TTC28: variants seen among roughly 807,000 people sequenced by gnomAD.
TTC28 encodes tetratricopeptide repeat protein 28.
Under a neutral mutation model 198.0 loss-of-function variants are expected in TTC28, and 61 were observed. The observed-to-expected ratio is 0.31, with a 90% confidence interval of 0.25 to 0.38. The LOEUF (loss-of-function observed/expected upper bound fraction) is 0.38. Ranked by LOEUF, TTC28 falls within the 10% of genes least tolerant of loss-of-function variation. The pLI is 1.00. For missense variants in TTC28, 2,678 were observed against 3,164.0 expected, an observed-to-expected ratio of 0.85 and a Z score of 3.69; for synonymous variants, 1,171 against 1,297.8, an observed-to-expected ratio of 0.90 and a Z score of 2.10.
chr22:28,536,058 C>T (rs939383007), intron 2 of TTC28, among the ~76,000 whole-genome samples: 7 of 151,000 alleles, frequency 4.6e-5, no homozygotes. Context: ...ATTAGCTTGG[C>T]TTGGTGGCGG....
At chr22:28,288,892 G>C (rs2044737352) in intron 5 of TTC28, among the ~76,000 whole-genome samples, 2 of 151,330 alleles carry the variant, frequency 1.3e-5, no homozygotes, top group Admixed American at 1.3e-4. Context: ...CAAGCTTGTT[G>C]ACTATCTAAT....
At chr22:28,342,567 T>C (rs980553076) in intron 2 of TTC28, among the ~76,000 whole-genome samples, 2 of 146,674 alleles carry the variant, frequency 1.4e-5, no homozygotes, top group Admixed American at 1.4e-4. Flanking sequence ...TTTTGTTACA[T>C]AATTCTCATA....
chr22:28,240,755 C>CTTATTT (rs1929603146), intron 5 of TTC28, among the ~76,000 whole-genome samples: 2 of 152,082 alleles, frequency 1.3e-5, no homozygotes, highest in African/African-American at 4.8e-5. Context: ...CATCTTGCTG[C>CTTATTT]ACCAGAAAGT....
chr22:28,107,303 T>C lies in TTC28; in HGVS notation c.2542A>G (p.Asn848Asp). ...TAGCCAATGGCTTCTTCCATCACAT[T>C]CATGTTCATCTTTGTGATGCCCATG... ...GNMGITKMNM[N>D]VMEEAIGYFE... is the part of the protein sequence containing the mutation. The change falls in exon 7 of 23, where the codon AAT becomes GAT. Residue 848 changes from asparagine to aspartate, a missense_variant. Physicochemically the swap from Asn to Asp is conservative, Grantham distance 23. This residue lies in a region of TTC28 where 775 missense variants were observed against 845.9 expected (regional missense o/e 0.92). Transcript: ENST00000397906. The C allele has an allele frequency of 6.4e-7, 1 of 1,551,860 alleles. No homozygotes were observed. The highest frequency in any genetic ancestry group is 8.7e-7 in the Non-Finnish European group (1 of 1,147,014).
intron 6 of TTC28, among the ~76,000 whole-genome samples, chr22:28,131,046 A>G (rs951115792): frequency 3.3e-5 from 5 of 152,240 alleles, no homozygotes; most frequent in African/African-American, 1.2e-4. Context: ...GGCAATAGCC[A>G]GGGTAGCCAG....
intron 5 of TTC28, among the ~76,000 whole-genome samples, chr22:28,224,268 C>A (rs961927873): frequency 6.6e-5 from 10 of 152,134 alleles, no homozygotes; most frequent in Non-Finnish European, 1.3e-4. Flanking sequence ...AGGTCTGGGG[C>A]AGGATCTGAG....
intron 1 of TTC28, among the ~76,000 whole-genome samples, chr22:28,637,005 T>G (rs1372123886): frequency 9.7e-5 from 3 of 30,956 alleles, no homozygotes; most frequent in East Asian, 2.6e-3. Flanking sequence ...AGGTCTTCAG[T>G]TTTTTTTTTT....
At chr22:28,638,928 A>G (rs1300328843) in intron 1 of TTC28, among the ~76,000 whole-genome samples, 1 of 152,200 alleles carries the variant, frequency 6.6e-6, no homozygotes, top group Non-Finnish European at 1.5e-5. Flanking sequence ...TCACTACCTA[A>G]GAGTTGGGAT....
At chr22:28,150,371 C>T (rs562065812) in intron 6 of TTC28, among the ~76,000 whole-genome samples, 4 of 152,300 alleles carry the variant, frequency 2.6e-5, no homozygotes, top group South Asian at 2.1e-4. Flanking sequence ...AGGAGAACAA[C>T]GGAGGTGATC....
Position 27,985,370 on chromosome 22 carries a change from G to C in TTC28, c.5708-14C>G. On this transcript the variant is annotated splice_polypyrimidine_tract_variant and intron_variant, in intron 21 of 22. Transcript: ENST00000397906. ...AGAGATCAAAACCTAGAGGAACAAAGAATATAAGCATCTGCTTCCTTCGGG... is the reference window on the plus strand; with the variant it reads ...AGAGATCAAAACCTAGAGGAACAAACAATATAAGCATCTGCTTCCTTCGGG... 1 of 1,540,464 alleles carries C rather than the reference G, an allele frequency of 6.5e-7. No homozygotes were observed. Among genetic ancestry groups the C allele is most frequent in the Non-Finnish European group, 8.8e-7 (1 of 1,137,194 alleles).
At chr22:28,130,725 G>A (rs758770307) in intron 6 of TTC28, among the ~76,000 whole-genome samples, 5 of 152,150 alleles carry the variant, frequency 3.3e-5, no homozygotes, top group Non-Finnish European at 5.9e-5. Context: ...CTGCATGAGT[G>A]GACTGGATCA....
At chr22:27,988,281 CTTTTTTTTTTTT>C (rs138641) in intron 21 of TTC28, among the ~76,000 whole-genome samples, 1 of 99,472 alleles carries the variant, frequency 1.0e-5, no homozygotes, top group Non-Finnish European at 2.0e-5. Context: ...AAGAAGCTTG[CTTTTTTTTTTTT>C]TTTTTTTTTG....
intron 2 of TTC28, among the ~76,000 whole-genome samples, chr22:28,586,080 A>G (rs982426591): frequency 2.6e-5 from 4 of 151,978 alleles, no homozygotes; most frequent in South Asian, 2.1e-4. Flanking sequence ...GGAGATTGAG[A>G]CCATCCTGGC....
At chr22:28,087,464 C>T (rs558476909) in intron 12 of TTC28, among the ~76,000 whole-genome samples, 1 of 152,124 alleles carries the variant, frequency 6.6e-6, no homozygotes, top group African/African-American at 2.4e-5. Flanking sequence ...TTCAACAACC[C>T]TTCATGCTAA....
In TTC28 at chr22:28,474,504, G is replaced by A. The variant is rs140571547; in HGVS notation, c.381+155048C>T. On this transcript the variant is annotated intron_variant, in intron 2 of 22. Coordinates refer to ENST00000397906, the MANE Select transcript of TTC28 (RefSeq NM_001145418.2). ...AGGAAAACAAAGTTCTCTGGGCTGGGAGATACCAGGTGTGGTTAGAGGGTT... is the reference window on the plus strand; with the variant it reads ...AGGAAAACAAAGTTCTCTGGGCTGGAAGATACCAGGTGTGGTTAGAGGGTT... 3.2e-4 allele frequency among the ~76,000 whole-genome samples: 49 copies of A among 152,292 alleles called. 1 individual carries two copies. The East Asian group carries it at 7.9e-3, about 25-fold the overall frequency.
chr22:28,538,507 G>A (rs192251060), intron 2 of TTC28, among the ~76,000 whole-genome samples: 2 of 151,704 alleles, frequency 1.3e-5, no homozygotes, highest in Admixed American at 1.3e-4. Context: ...GTTGGGTGTG[G>A]TGATAAGAAG....
chr22:28,611,996 T>C (rs1213098815), intron 2 of TTC28, among the ~76,000 whole-genome samples: 1 of 152,060 alleles, frequency 6.6e-6, no homozygotes, highest in African/African-American at 2.4e-5. Context: ...TAAATGTAAA[T>C]GGGCTAAATG....
chr22:28,398,331 G>A (rs980269370), intron 2 of TTC28, among the ~76,000 whole-genome samples: 1 of 152,198 alleles, frequency 6.6e-6, no homozygotes, highest in African/African-American at 2.4e-5. Context: ...CCGCATTTCT[G>A]TGCTCAGGAG....
In TTC28 at chr22:28,014,260, C is replaced by A; in HGVS notation, c.4206G>T (p.Ala1402=). 6.4e-7 allele frequency: 1 copy of A among 1,550,676 alleles called. No homozygotes were observed. The highest frequency in any genetic ancestry group is 8.7e-7 in the Non-Finnish European group (1 of 1,146,512). The change falls in exon 14 of 23, where the codon GCG becomes GCT. Residue 1402 remains alanine, a synonymous_variant. Transcript: ENST00000397906. ...PLRALYDLLI[A]PMEGGLMHSS... ...AGGAGGTGCTTACCCCTTCCATGGG[C>A]GCGATGAGCAGGTCATACAGGGCAC...
Sources: gnomAD v4.1 joint callset for allele counts (sites outside exome capture counted in the v4.1 genomes callset) on GRCh38, gnomAD v4.1.1 for gene constraint, gnomAD v4.1.1 regional missense constraint, MANE v1.5 for transcripts, NCBI Gene and HGNC (gene_info 2026-07-23, HGNC 2026-07-21) for gene names.